PTPRG: variants seen among roughly 807,000 people sequenced by gnomAD.
PTPRG encodes receptor-type tyrosine-protein phosphatase gamma.
In PTPRG, 102 loss-of-function variants were observed where a neutral mutation model predicts 165.3. The ratio of observed to expected loss-of-function variants is 0.62; its 90% CI spans 0.53 to 0.73. The LOEUF is 0.73. Among genes scored for constraint, PTPRG ranks in the 30% least tolerant of loss-of-function variants. The pLI, the probability that PTPRG is intolerant of heterozygous loss-of-function variation, is 0.00. For missense variants in PTPRG, 1,866 were observed against 1,861.4 expected (o/e 1.00, Z -0.05); for synonymous variants, 675 against 669.5 (o/e 1.01, Z -0.13).
chr3:61,989,252 A>G (rs929648334), intron 2 of PTPRG, among the ~76,000 whole-genome samples: 4 of 152,212 alleles, frequency 2.6e-5, no homozygotes, highest in Non-Finnish European at 4.4e-5. Context: ...ATTGCCCACA[A>G]TAGCAAAACA....
At chr3:61,974,625 A>C (rs1358316141) in intron 2 of PTPRG, among the ~76,000 whole-genome samples, 1 of 152,184 alleles carries the variant, frequency 6.6e-6, no homozygotes, top group Non-Finnish European at 1.5e-5. Flanking sequence ...GTCTTTAGGC[A>C]ACAAAAGCAA....
At chr3:62,290,764 A>C (rs1299798725) in intron 28 of PTPRG, among the ~76,000 whole-genome samples, 3 of 152,172 alleles carry the variant, frequency 2.0e-5, no homozygotes, top group Admixed American at 6.5e-5. Context: ...CCTTACATCA[A>C]AGCAAGAATA....
rs1207786845 is a variant in PTPRG, at chr3:61,700,424, A to G, written c.86-48454A>G. The stretch of plus-strand genomic sequence containing the variant: ...ATAGAAATGAATATTAAAGTAATTC[A>G]GCACAGTACTAAAAGCTTGTACCTA... On this transcript the variant is annotated intron_variant, in intron 1 of 29. Transcript: ENST00000474889. Among the ~76,000 whole-genome samples the G allele has an allele frequency of 3.3e-5, 5 of 152,344 alleles. No individual in the cohort carries two copies. The East Asian group carries it at 7.7e-4, about 23-fold the overall frequency.
At chr3:62,146,287 A>T (rs1298400088) in intron 6 of PTPRG, among the ~76,000 whole-genome samples, 2 of 152,212 alleles carry the variant, frequency 1.3e-5, no homozygotes. Flanking sequence ...CCTCTAATAA[A>T]GTTGGAGGAG....
At chr3:62,025,635 GT>G (rs1216874317) in intron 4 of PTPRG, among the ~76,000 whole-genome samples, 2 of 152,016 alleles carry the variant, frequency 1.3e-5, no homozygotes, top group Admixed American at 1.3e-4. Flanking sequence ...TTTTTCAAAT[GT>G]TTTTTCCCTC....
rs986541216 is a variant in PTPRG at position 61,562,217 on chromosome 3, C to T, written c.-71C>T. 3 of 1,427,188 alleles carry T rather than the reference C, an allele frequency of 2.1e-6. No individual in the cohort carries two copies. The African/African-American group carries it at 4.2e-5, about 20-fold the overall frequency. The allele number at this position is 1,427,188 out of a possible 1,614,324, so 88.4% of individuals were successfully genotyped here. On this transcript the variant is annotated 5_prime_UTR_variant, in exon 1 of 30. Coordinates refer to ENST00000474889, the MANE Select transcript of PTPRG (RefSeq NM_002841.4). ...GAAGCGCCCCGGCTTAGCGGAGGCT[C>T]GCACGGAGGCAAGAACTTATTCAAC...
At chr3:61,635,394 T>C (rs899678846) in intron 1 of PTPRG, among the ~76,000 whole-genome samples, 1 of 150,974 alleles carries the variant, frequency 6.6e-6, no homozygotes, top group African/African-American at 2.4e-5. Flanking sequence ...CTCACTCTTA[T>C]CACCCAGGTT....
chr3:61,860,395 A>G (rs939306634), intron 2 of PTPRG, among the ~76,000 whole-genome samples: 3 of 150,950 alleles, frequency 2.0e-5, no homozygotes, highest in African/African-American at 7.3e-5. Flanking sequence ...CTCCCCAGGC[A>G]TAGAAGGATA....
chr3:62,263,194 G>A (rs1701753852), intron 17 of PTPRG: 2 of 276,270 alleles, frequency 7.2e-6, no homozygotes, highest in African/African-American at 2.2e-5. Flanking sequence ...AAATTTGAAT[G>A]TCACTTGGTT....
rs1037908856 is a variant in PTPRG, at chr3:62,092,453, A to G, written c.615+14195A>G. On this transcript the variant is annotated intron_variant, in intron 5 of 29. Transcript: ENST00000474889. ...AGAGTCCATCTGAAAAAAAAAAAAA[A>G]AAAAAAGAAAAAGACAAGGACCTTT... Among the ~76,000 whole-genome samples, 230 of 151,078 alleles carry G rather than the reference A, an allele frequency of 1.5e-3. 2 individuals carry two copies. Among genetic ancestry groups the G allele is most frequent in the African/African-American group, 5.4e-3 (221 of 40,740 alleles).
chr3:61,737,973 A>G (rs1394507928), intron 1 of PTPRG, among the ~76,000 whole-genome samples: 1 of 147,666 alleles, frequency 6.8e-6, no homozygotes, highest in African/African-American at 2.5e-5. Context: ...CAGTGGCGCG[A>G]TCTTGGCTCA....
intron 2 of PTPRG, among the ~76,000 whole-genome samples, chr3:61,768,752 G>A (rs2034113184): frequency 6.6e-6 from 1 of 152,174 alleles, no homozygotes; most frequent in Non-Finnish European, 1.5e-5. Flanking sequence ...GAGGGAAAGA[G>A]GAAAATAGTT....
chr3:61,638,327 G>C (rs1336311434), intron 1 of PTPRG, among the ~76,000 whole-genome samples: 1 of 151,740 alleles, frequency 6.6e-6, no homozygotes, highest in African/African-American at 2.4e-5. Context: ...CTGTAGAGCA[G>C]CATCTCTCCA....
intron 4 of PTPRG, among the ~76,000 whole-genome samples, chr3:62,036,544 G>A (rs1699945741): frequency 6.6e-6 from 1 of 152,174 alleles, no homozygotes; most frequent in Non-Finnish European, 1.5e-5. Flanking sequence ...CCACTCAAGA[G>A]TTAAACAAGT....
At chr3:62,083,720 C>A (rs9849886) in intron 5 of PTPRG, among the ~76,000 whole-genome samples, 13,149 of 152,210 alleles carry the variant, frequency 0.086, 1,865 homozygotes, top group African/African-American at 0.3. Flanking sequence ...AATCTTTTAT[C>A]GTCACCCTCA....
chr3:61,885,641 A>G (rs1454585216), intron 2 of PTPRG, among the ~76,000 whole-genome samples: 2 of 103,288 alleles, frequency 1.9e-5, no homozygotes, highest in African/African-American at 7.8e-5. Flanking sequence ...GCATTTATAG[A>G]CTCACTCTTT....
At chr3:61,932,256 T>A (rs569310253) in intron 2 of PTPRG, among the ~76,000 whole-genome samples, 8 of 152,322 alleles carry the variant, frequency 5.3e-5, no homozygotes, top group African/African-American at 1.9e-4. Flanking sequence ...GGATATTACA[T>A]AGATTCTTGT....
At chr3:62,212,176 C>T (rs1302574306) in intron 12 of PTPRG, among the ~76,000 whole-genome samples, 1 of 152,068 alleles carries the variant, frequency 6.6e-6, no homozygotes, top group South Asian at 2.1e-4. Flanking sequence ...GGAGCAGGCT[C>T]ATTCTTTGAG....
In PTPRG at chr3:62,219,841, A is replaced by G. The variant is rs1358584567; in HGVS notation, c.2288+858A>G. On this transcript the variant is annotated intron_variant, in intron 13 of 29. Coordinates refer to ENST00000474889, the MANE Select transcript of PTPRG (RefSeq NM_002841.4). The surrounding 1 kb of genome is among the most constrained non-coding windows in gnomAD (Gnocchi z 4.5). ...AAAACAGATAAGAATCCTTACTGTC[A>G]TGGAGCTTACAGTTTAGTGGAGGAG... Among the ~76,000 whole-genome samples the G allele has an allele frequency of 1.3e-5, 2 of 152,260 alleles. No individual in the cohort carries two copies. The highest frequency in any genetic ancestry group is 2.9e-5 in the Non-Finnish European group (2 of 68,046).
Sources: allele counts gnomAD v4.1 joint callset (sites outside exome capture counted in the v4.1 genomes callset), GRCh38; gene constraint gnomAD v4.1.1; non-coding constraint Gnocchi (gnomAD v3.1); transcripts MANE v1.5; gene names NCBI Gene and HGNC (gene_info 2026-07-23, HGNC 2026-07-21).